Variants in PDSS2 observed in about 807,000 individuals in gnomAD.
PDSS2 encodes the protein all trans-polyprenyl-diphosphate synthase PDSS2.
PDSS2 carries 31 observed loss-of-function variants against 44.5 expected under a neutral mutation model. That is an observed-to-expected ratio of 0.70 (90% CI 0.52 to 0.94). The LOEUF (loss-of-function observed/expected upper bound fraction) is 0.94. PDSS2 is among the 40% of genes least tolerant of loss of function. PDSS2 has a pLI of 0.00. For synonymous variants in PDSS2, 157 were observed against 180.3 expected, an observed-to-expected ratio of 0.87 and a Z score of 1.03; for missense variants, 452 against 482.2, an observed-to-expected ratio of 0.94 and a Z score of 0.59.
chr6:107,252,141 C>G (rs1223570023), intron 3 of PDSS2, among the ~76,000 whole-genome samples: 6 of 152,162 alleles, frequency 3.9e-5, no homozygotes, highest in African/African-American at 1.4e-4. Flanking sequence ...CACCCACCAC[C>G]TGGGCACGAA....
At chr6:107,448,098 G>A (rs922197154) in intron 1 of PDSS2, among the ~76,000 whole-genome samples, 2 of 152,112 alleles carry the variant, frequency 1.3e-5, no homozygotes, top group South Asian at 4.1e-4. Context: ...GGGGGGGCTG[G>A]ACCTGGCCCA....
At chr6:107,276,831 A>G (rs1169315404) in intron 2 of PDSS2, among the ~76,000 whole-genome samples, 1 of 152,222 alleles carries the variant, frequency 6.6e-6, no homozygotes, top group Non-Finnish European at 1.5e-5. Context: ...TGAGACTACA[A>G]GTTAAGAAAC....
intron 6 of PDSS2, among the ~76,000 whole-genome samples, chr6:107,204,237 T>C (rs1370896829): frequency 2.6e-5 from 4 of 152,144 alleles, no homozygotes; most frequent in Non-Finnish European, 5.9e-5. Flanking sequence ...CACCGCGCAC[T>C]GCTTATAATA....
chr6:107,385,650 C>T (rs989973084), intron 1 of PDSS2, among the ~76,000 whole-genome samples: 7 of 152,156 alleles, frequency 4.6e-5, no homozygotes, highest in Non-Finnish European at 7.3e-5. Context: ...TGAAGTAATA[C>T]TAGGCAGACC....
intron 2 of PDSS2, among the ~76,000 whole-genome samples, chr6:107,317,111 A>C (rs893481081): frequency 1.6e-4 from 24 of 152,212 alleles, no homozygotes; most frequent in African/African-American, 5.5e-4. Flanking sequence ...GCCTGCTGAG[A>C]GTGGAGACAG....
At chr6:107,183,120 G>T (rs1772041529) in intron 7 of PDSS2, among the ~76,000 whole-genome samples, 1 of 151,836 alleles carries the variant, frequency 6.6e-6, no homozygotes, top group African/African-American at 2.4e-5. Context: ...GCTGAGGTGG[G>T]AGGATCACTT....
intron 2 of PDSS2, among the ~76,000 whole-genome samples, chr6:107,328,880 C>G (rs1777630333): frequency 6.6e-6 from 1 of 152,192 alleles, no homozygotes; most frequent in Non-Finnish European, 1.5e-5. Flanking sequence ...ACAACTTAAG[C>G]TCTGGAAGAA....
At chr6:107,256,276 C>A (rs775656998) in intron 3 of PDSS2, among the ~76,000 whole-genome samples, 3 of 152,172 alleles carry the variant, frequency 2.0e-5, no homozygotes, top group Admixed American at 6.5e-5. Flanking sequence ...CAGGTGTGAG[C>A]CACGGTGCCC....
chr6:107,250,131 T>C (rs1261140022), intron 3 of PDSS2, among the ~76,000 whole-genome samples: 2 of 150,802 alleles, frequency 1.3e-5, no homozygotes, highest in Admixed American at 1.3e-4. Flanking sequence ...ATTCTCATCA[T>C]AAAAAACAGA....
chr6:107,316,807 A>G (rs1319462264), intron 2 of PDSS2, among the ~76,000 whole-genome samples: 2 of 152,214 alleles, frequency 1.3e-5, no homozygotes, highest in East Asian at 1.9e-4. Flanking sequence ...AAAACAAAAC[A>G]TATACTACAT....
At chr6:107,196,675 T>C (rs1772573017) in intron 6 of PDSS2, among the ~76,000 whole-genome samples, 1 of 152,232 alleles carries the variant, frequency 6.6e-6, no homozygotes, top group African/African-American at 2.4e-5. Context: ...AAGTGATGCC[T>C]TTTTGTATGT....
chr6:107,390,792 T>C (rs910958347), intron 1 of PDSS2, among the ~76,000 whole-genome samples: 1 of 151,990 alleles, frequency 6.6e-6, no homozygotes. Context: ...GCCAAGAAAA[T>C]AGATATAAGC....
At chr6:107,189,095 C>T (rs906888166) in intron 7 of PDSS2, among the ~76,000 whole-genome samples, 9 of 151,910 alleles carry the variant, frequency 5.9e-5, no homozygotes, top group South Asian at 2.1e-4. Flanking sequence ...ATTTTTAGCA[C>T]GGAGTGCAGT....
intron 4 of PDSS2, among the ~76,000 whole-genome samples, chr6:107,220,455 C>T (rs1456249474): frequency 6.6e-6 from 1 of 151,914 alleles, no homozygotes; most frequent in Non-Finnish European, 1.5e-5. Context: ...AATAAACAGC[C>T]TGTCCTCAAG....
At chr6:107,341,108 A>C (rs1246168166) in intron 1 of PDSS2, among the ~76,000 whole-genome samples, 2 of 152,130 alleles carry the variant, frequency 1.3e-5, no homozygotes, top group African/African-American at 4.8e-5. Flanking sequence ...GAGAAGGAAG[A>C]TCAGTTAGGA....
intron 1 of PDSS2, among the ~76,000 whole-genome samples, chr6:107,395,113 C>T (rs888124036): frequency 6.6e-6 from 1 of 151,972 alleles, no homozygotes; most frequent in African/African-American, 2.4e-5. Flanking sequence ...TTAAAGATGT[C>T]ATTCTCTTAT....
At chr6:107,331,086 G>A (rs1032098871) in intron 2 of PDSS2, among the ~76,000 whole-genome samples, 23 of 152,122 alleles carry the variant, frequency 1.5e-4, no homozygotes, top group African/African-American at 5.6e-4. Context: ...GTAGTTTGGA[G>A]GTGAATTAAA....
chr6:107,227,129 G>A (rs187436745), intron 4 of PDSS2, among the ~76,000 whole-genome samples: 7 of 151,668 alleles, frequency 4.6e-5, no homozygotes, highest in Admixed American at 2.6e-4. Context: ...ACAAGTGCCC[G>A]CCACCACATC....
At chr6:107,279,600 G>T (rs1394076461) in intron 2 of PDSS2, among the ~76,000 whole-genome samples, 1 of 152,104 alleles carries the variant, frequency 6.6e-6, no homozygotes, top group Non-Finnish European at 1.5e-5. Context: ...AGGGGGACTG[G>T]AGCAACACAT....
Sources: gnomAD v4.1 joint callset for allele counts (sites outside exome capture counted in the v4.1 genomes callset) on GRCh38, gnomAD v4.1.1 for gene constraint, MANE v1.5 for transcripts, NCBI Gene and HGNC (gene_info 2026-07-23, HGNC 2026-07-21) for gene names.